MTMR10: variants seen among roughly 807,000 people sequenced by gnomAD.
MTMR10 encodes the protein myotubularin-related protein 10.
Under a neutral mutation model 88.1 loss-of-function variants are expected in MTMR10, and 56 were observed. The ratio of observed to expected loss-of-function variants is 0.64; its 90% confidence interval spans 0.51 to 0.79. MTMR10 has a LOEUF of 0.79. MTMR10 is among the 30% of genes least tolerant of loss of function. The pLI is 0.00. For synonymous variants in MTMR10, 380 were observed against 340.9 expected, an observed-to-expected ratio of 1.11 and a Z score of -1.26; for missense variants, 883 against 924.7, an observed-to-expected ratio of 0.95 and a Z score of 0.58.
chr15:30,969,874 G>A (rs1464577928), intron 5 of MTMR10, among the ~76,000 whole-genome samples: 1 of 151,984 alleles, frequency 6.6e-6, no homozygotes, highest in Non-Finnish European at 1.5e-5. Flanking sequence ...CTCTTTGCTT[G>A]GAAAATCCTA....
In MTMR10 at chr15:30,941,279, A is replaced by G; in HGVS notation, c.*191T>C. The stretch of plus-strand genomic sequence containing the variant: ...CTGTAATGACAGAAAGAGGACAGGA[A>G]CAAAATTTACATCTCTCTTAAAATA... On this transcript the variant is annotated 3_prime_UTR_variant, in exon 16 of 16. Transcript: ENST00000435680. 1 of 1,497,376 alleles carries G rather than the reference A, an allele frequency of 6.7e-7. No individual in the cohort carries two copies. The highest frequency in any genetic ancestry group is 8.9e-7 in the Non-Finnish European group (1 of 1,123,302). 92.8% of individuals were successfully genotyped at this position (1,497,376 alleles called of 1,614,324 possible). A position where few individuals can be genotyped will look rare whatever the true frequency, so the allele number is the denominator to read the frequency against.
chr15:30,962,095 T>C (rs2063409700), intron 6 of MTMR10, among the ~76,000 whole-genome samples: 1 of 152,352 alleles, frequency 6.6e-6, no homozygotes, highest in African/African-American at 2.4e-5. Context: ...TCAGGTTCCT[T>C]GTTCTTTGCT....
chr15:30,943,631 A>AAAACCATGGAGACCATGTACACAGG (rs2063120452), intron 14 of MTMR10: 1 of 985,322 alleles, frequency 1.0e-6, no homozygotes, highest in African/African-American at 1.7e-5. Context: ...GCATGTGGCT[A>AAAACCATGGAGACCATGTACACAGG]AAACCATGGA....
chr15:30,944,912 T>G (rs2063147752), intron 14 of MTMR10, among the ~76,000 whole-genome samples: 1 of 151,698 alleles, frequency 6.6e-6, no homozygotes, highest in Non-Finnish European at 1.5e-5. Flanking sequence ...CTCAGGTGGT[T>G]GAGGCGAGAG....
At chr15:30,991,070 G>C (rs894810883) in intron 1 of MTMR10, among the ~76,000 whole-genome samples, 1 of 152,146 alleles carries the variant, frequency 6.6e-6, no homozygotes, top group Non-Finnish European at 1.5e-5. Context: ...TCACATTTAT[G>C]ACAGACGGGT....
chr15:30,930,456 A>G, the MTMR10 span: 1 of 1,472,996 alleles, frequency 6.8e-7, no homozygotes, highest in Non-Finnish European at 9.1e-7. Flanking sequence ...ATATACACTG[A>G]GCTTTTCTCC....
chr15:30,970,125 A>G (rs1020276945), intron 5 of MTMR10, among the ~76,000 whole-genome samples: 2 of 152,142 alleles, frequency 1.3e-5, no homozygotes, highest in African/African-American at 4.8e-5. Context: ...CACTTCTACC[A>G]TGAAGGTCAA....
rs2030528784 is a variant in MTMR10 at position 30,980,953 on chromosome 15, C to A, written c.122-3998G>T. Reference sequence around the variant, plus strand: ...AATAAATGGCGGAGAAGAGACAAATCTTCCTCACAGAAGAATTCCAATTAA... The same window carrying A: ...AATAAATGGCGGAGAAGAGACAAATATTCCTCACAGAAGAATTCCAATTAA... On this transcript the variant is annotated intron_variant, in intron 2 of 15. Transcript: ENST00000435680. Among the ~76,000 whole-genome samples the A allele has an allele frequency of 2.0e-5, 3 of 152,202 alleles. No individual in the cohort carries two copies. In the South Asian group the frequency reaches 6.2e-4, roughly 31 times the overall value.
chr15:30,947,176 C>G lies in MTMR10; in HGVS notation c.1502G>C (p.Gly501Ala). Residue 501 changes from glycine (G) to alanine (A), a missense_variant, in exon 14 of 16, where the codon GGC becomes GCC. Gly to Ala is a moderately conservative substitution (Grantham distance 60, BLOSUM62 0). Transcript: ENST00000435680. The part of the protein sequence containing the change: ...LYDSTRISLF[G>A]TFLFNSPHQR... ...GTGAGGGGAGTTGAACAGGAAGGTGCCAAACAGTGAGATCCGGGTGCTGTC... is the reference window on the plus strand; with the variant it reads ...GTGAGGGGAGTTGAACAGGAAGGTGGCAAACAGTGAGATCCGGGTGCTGTC... The G allele has an allele frequency of 6.2e-7, 1 of 1,613,792 alleles. No individual in the cohort carries two copies. The highest frequency in any genetic ancestry group is 8.5e-7 in the Non-Finnish European group (1 of 1,179,832).
intron 2 of MTMR10, among the ~76,000 whole-genome samples, chr15:30,978,544 G>A (rs1253515051): frequency 1.3e-5 from 2 of 152,338 alleles, no homozygotes; most frequent in Admixed American, 6.5e-5. Flanking sequence ...ATGTAAGTTA[G>A]AGAAGAGTCA....
chr15:30,991,181 CTCCCCTG>C, intron 1 of MTMR10: 1 of 476,834 alleles, frequency 2.1e-6, no homozygotes, highest in South Asian at 4.0e-5. Flanking sequence ...GCTCCCAAGG[CTCCCCTG>C]GGCCTCAACA....
intron 5 of MTMR10, among the ~76,000 whole-genome samples, chr15:30,973,622 G>C (rs1223597981): frequency 6.6e-6 from 1 of 152,084 alleles, no homozygotes; most frequent in Non-Finnish European, 1.5e-5. Flanking sequence ...ACACGCGCAA[G>C]CTTCCTACTG....
intron 1 of MTMR10, 130 bp from the exon 2 acceptor site, chr15:30,990,967 A>T: frequency 1.3e-6 from 1 of 745,310 alleles, no homozygotes; most frequent in African/African-American, 1.8e-5. Flanking sequence ...ATTCTTTCGC[A>T]TATTAACTGA....
chr15:30,963,964 G>A (rs1258420400), intron 6 of MTMR10, among the ~76,000 whole-genome samples: 2 of 151,932 alleles, frequency 1.3e-5, no homozygotes, highest in African/African-American at 4.8e-5. Context: ...TGAATGACTA[G>A]CTCTGTAAGT....
At chr15:30,981,103 T>C (rs2030539598) in intron 2 of MTMR10, among the ~76,000 whole-genome samples, 1 of 152,252 alleles carries the variant, frequency 6.6e-6, no homozygotes, top group Non-Finnish European at 1.5e-5. Flanking sequence ...TGATGAATGC[T>C]AAATTCAGAG....
At chr15:30,922,079 AAG>A in the MTMR10 span, among the ~76,000 whole-genome samples, 1 of 152,232 alleles carries the variant, frequency 6.6e-6, no homozygotes, top group African/African-American at 2.4e-5. Flanking sequence ...AGGCACCTCA[AAG>A]TCCCTGTCCT....
At position 30,940,544 on chromosome 15, in the gene MTMR10, T is replaced by G; in HGVS notation, c.*926A>C. 1 of 985,536 alleles carries G rather than the reference T, an allele frequency of 1.0e-6. No homozygotes were observed. Among genetic ancestry groups the G allele is most frequent in the Non-Finnish European group, 1.2e-6 (1 of 830,032 alleles). The allele number at this position is 985,536 out of a possible 1,614,324, so 61.0% of individuals were successfully genotyped here. A position where few individuals can be genotyped will look rare whatever the true frequency, so the allele number is the denominator to read the frequency against. On this transcript the variant is annotated 3_prime_UTR_variant, in exon 16 of 16. Coordinates refer to ENST00000435680, the MANE Select transcript of MTMR10 (RefSeq NM_017762.3). ...TAGTTTACCACACTGGAAATACTGATGGCCAAGCCCAGCACGCCTCCCAGC... is the reference window on the plus strand; with the variant it reads ...TAGTTTACCACACTGGAAATACTGAGGGCCAAGCCCAGCACGCCTCCCAGC...
intron 3 of MTMR10, 55 bp from the exon 4 acceptor site, chr15:30,975,058 T>G: frequency 1.5e-6 from 2 of 1,304,920 alleles, no homozygotes; most frequent in Non-Finnish European, 2.1e-6. Context: ...CTCACAATGG[T>G]AGTATAAGCC....
chr15:30,954,711 T>C, intron 10 of MTMR10, 52 bp downstream of exon 10: 1 of 1,470,878 alleles, frequency 6.8e-7, no homozygotes, highest in Non-Finnish European at 9.0e-7. Context: ...TGACATCTCA[T>C]GCAACTCTGT....
Sources: allele counts gnomAD v4.1 joint callset (sites outside exome capture counted in the v4.1 genomes callset), GRCh38; gene constraint gnomAD v4.1.1; transcripts MANE v1.5; gene names NCBI Gene and HGNC (gene_info 2026-07-23, HGNC 2026-07-21).